The following RNF13 variants were observed in gnomAD, a reference collection of about 807,000 sequenced individuals.
RNF13 encodes E3 ubiquitin-protein ligase RNF13.
Under a neutral mutation model 37.7 loss-of-function variants are expected in RNF13, and 19 were observed. The ratio of observed to expected loss-of-function variants is 0.50; its 90% CI spans 0.35 to 0.74. The LOEUF is 0.74. RNF13 is among the 30% of genes least tolerant of loss of function. The pLI is 0.01. For missense variants in RNF13, 375 were observed against 453.0 expected (o/e 0.83, Z 1.56); for synonymous variants, 144 against 157.8 (o/e 0.91, Z 0.65).
chr3:149,905,940 A>G (rs941007228), intron 6 of RNF13, among the ~76,000 whole-genome samples: 1 of 152,164 alleles, frequency 6.6e-6, no homozygotes. Context: ...GAACTTTTTC[A>G]ATATTCCAAG....
At chr3:149,930,877 T>G (rs1197788351) in intron 8 of RNF13, among the ~76,000 whole-genome samples, 1 of 152,218 alleles carries the variant, frequency 6.6e-6, no homozygotes, top group African/African-American at 2.4e-5. Flanking sequence ...TATTATTGTT[T>G]TTATATTCAT....
At chr3:149,940,645 A>G (rs1283717482) in intron 8 of RNF13, among the ~76,000 whole-genome samples, 1 of 152,144 alleles carries the variant, frequency 6.6e-6, no homozygotes, top group Admixed American at 6.6e-5. Flanking sequence ...TGTGTTTATG[A>G]AAGTTTTTAT....
intron 3 of RNF13, among the ~76,000 whole-genome samples, chr3:149,868,700 G>A (rs1711625718): frequency 6.7e-6 from 1 of 149,756 alleles, no homozygotes; most frequent in Admixed American, 6.7e-5. Flanking sequence ...GTTTTTCAAT[G>A]AAAAGTCTGT....
intron 1 of RNF13, among the ~76,000 whole-genome samples, chr3:149,830,608 TATGTTTA>T (rs1409590382): frequency 7.8e-6 from 1 of 128,990 alleles, no homozygotes; most frequent in Non-Finnish European, 1.6e-5. Context: ...AATTGGAACT[TATGTTTA>T]AGGGAAGCAG....
At chr3:149,861,648 G>A (rs1724265938) in intron 3 of RNF13, among the ~76,000 whole-genome samples, 1 of 152,080 alleles carries the variant, frequency 6.6e-6, no homozygotes. Flanking sequence ...GAGAGGGGGA[G>A]ATGAAGAAAG....
At chr3:149,855,541 ACAT>A (rs1401498890) in intron 3 of RNF13, among the ~76,000 whole-genome samples, 71 of 151,180 alleles carry the variant, frequency 4.7e-4, no homozygotes, top group African/African-American at 1.7e-3. Context: ...ATGTATCTTT[ACAT>A]TTATATATTA....
At chr3:149,820,392 TA>T (rs1719902483) in intron 1 of RNF13, among the ~76,000 whole-genome samples, 1 of 152,058 alleles carries the variant, frequency 6.6e-6, no homozygotes, top group Non-Finnish European at 1.5e-5. Flanking sequence ...AGGTAAACTT[TA>T]TAGAGGGAAT....
At chr3:149,889,629 G>C (rs912056384) in intron 4 of RNF13, among the ~76,000 whole-genome samples, 4 of 149,852 alleles carry the variant, frequency 2.7e-5, no homozygotes, top group African/African-American at 9.8e-5. Context: ...TGAATAAATA[G>C]ATTAACTTGC....
At position 149,935,306 on chromosome 3, in the gene RNF13, G is replaced by A. The variant is rs115039892; in HGVS notation, c.700+14079G>A. ...GTTTCTTATCGGCAGCAGATCATTG[G>A]GTTCTGTTTTTCTATTCATTTAATC... On this transcript the variant is annotated intron_variant, in intron 8 of 9. Coordinates refer to ENST00000392894, the MANE Select transcript of RNF13 (RefSeq NM_183381.3). Among the ~76,000 whole-genome samples, 688 of 151,894 alleles carry A rather than the reference G, an allele frequency of 4.5e-3. 4 individuals carry two copies. The highest frequency in any genetic ancestry group is 4.7e-3 in the Non-Finnish European group (321 of 67,904).
intron 4 of RNF13, among the ~76,000 whole-genome samples, chr3:149,872,596 A>G (rs550433124): frequency 2.0e-5 from 3 of 152,340 alleles, no homozygotes; most frequent in African/African-American, 7.2e-5. Flanking sequence ...CCGTCACCAT[A>G]TATCACCAGT....
intron 2 of RNF13, among the ~76,000 whole-genome samples, chr3:149,847,021 G>A (rs769908074): frequency 7.9e-5 from 12 of 152,088 alleles, no homozygotes; most frequent in Non-Finnish European, 1.8e-4. Flanking sequence ...GTATACAGAT[G>A]GTCTCCAGCT....
At chr3:149,895,591 T>G (rs752620632) in intron 5 of RNF13, 31 bp downstream of exon 5, 4 of 1,330,504 alleles carry the variant, frequency 3.0e-6, no homozygotes, top group South Asian at 1.3e-5. Context: ...TCTTCTCTCC[T>G]GTTTGACAGA....
intron 1 of RNF13, among the ~76,000 whole-genome samples, chr3:149,844,210 A>G (rs1454576253): frequency 6.6e-6 from 1 of 152,220 alleles, no homozygotes; most frequent in East Asian, 1.9e-4. Context: ...AGGAGCATTT[A>G]CAAGACTCAG....
chr3:149,844,500 C>G (rs150242261), intron 1 of RNF13, among the ~76,000 whole-genome samples: 2 of 152,284 alleles, frequency 1.3e-5, no homozygotes, highest in East Asian at 1.9e-4. Context: ...CACCAAAATT[C>G]TAGATCCTAG....
chr3:149,846,965 G>A (rs933065958), intron 2 of RNF13, among the ~76,000 whole-genome samples: 2 of 152,166 alleles, frequency 1.3e-5, no homozygotes, highest in Admixed American at 1.3e-4. Context: ...CAAAACCTTA[G>A]CATAGCCTCT....
intron 3 of RNF13, among the ~76,000 whole-genome samples, chr3:149,864,140 G>A (rs570640652): frequency 2.0e-5 from 3 of 149,516 alleles, no homozygotes; most frequent in African/African-American, 7.4e-5. Context: ...TGGAGGTAAG[G>A]CACAATGGGA....
At chr3:149,907,667 A>G (rs1716564580) in intron 6 of RNF13, among the ~76,000 whole-genome samples, 1 of 152,196 alleles carries the variant, frequency 6.6e-6, no homozygotes, top group South Asian at 2.1e-4. Flanking sequence ...TAAAATGTGA[A>G]CAATAATAGA....
At chr3:149,955,158 G>T (rs1457908820) in intron 8 of RNF13, among the ~76,000 whole-genome samples, 1 of 152,104 alleles carries the variant, frequency 6.6e-6, no homozygotes, top group African/African-American at 2.4e-5. Flanking sequence ...GATTTTTGAA[G>T]ATTATATGTA....
At chr3:149,955,818 G>A (rs544190318) in intron 8 of RNF13, among the ~76,000 whole-genome samples, 92 of 152,158 alleles carry the variant, frequency 6.0e-4, no homozygotes, top group Non-Finnish European at 1.0e-3. Context: ...CTTGATACCC[G>A]AACTAGTTTG....
Sources: allele counts gnomAD v4.1 joint callset (sites outside exome capture counted in the v4.1 genomes callset), GRCh38; gene constraint gnomAD v4.1.1; transcripts MANE v1.5; gene names NCBI Gene and HGNC (gene_info 2026-07-23, HGNC 2026-07-21).